NSUN6: variants seen among roughly 807,000 people sequenced by gnomAD.
NSUN6 encodes the protein tRNA (cytosine(72)-C(5))-methyltransferase NSUN6.
NSUN6 carries 64 observed loss-of-function variants against 58.0 expected under a neutral mutation model. The observed-to-expected ratio is 1.10, with a 90% CI of 0.90 to 1.36. The LOEUF (loss-of-function observed/expected upper bound fraction) is 1.36. Among genes scored for constraint, NSUN6 ranks in the 40% most tolerant of loss-of-function variants. The pLI is 0.00. For synonymous variants in NSUN6, 231 were observed against 193.9 expected (o/e 1.19, Z -1.59); for missense variants, 701 against 550.1 (o/e 1.27, Z -2.74).
At chr10:18,566,014 CTCTAT>C (rs1230337598) in intron 8 of NSUN6, among the ~76,000 whole-genome samples, 2 of 150,972 alleles carry the variant, frequency 1.3e-5, no homozygotes, top group South Asian at 2.1e-4. Context: ...CCATTCCATT[CTCTAT>C]TCCATTCCAT....
intron 3 of NSUN6, among the ~76,000 whole-genome samples, chr10:18,620,436 C>CA (rs1016217977): frequency 6.6e-6 from 1 of 152,094 alleles, no homozygotes; most frequent in Non-Finnish European, 1.5e-5. Flanking sequence ...TTCCTTGGTA[C>CA]AAAAAAATCT....
chr10:18,617,573 C>A (rs1166149596), intron 3 of NSUN6, among the ~76,000 whole-genome samples: 1 of 152,136 alleles, frequency 6.6e-6, no homozygotes, highest in African/African-American at 2.4e-5. Flanking sequence ...AAGTCCTAAA[C>A]AATAATCAGT....
intron 3 of NSUN6, among the ~76,000 whole-genome samples, chr10:18,642,059 G>A (rs1036150710): frequency 5.1e-4 from 77 of 152,212 alleles, no homozygotes; most frequent in African/African-American, 1.8e-3. Context: ...AGAGCAGGAC[G>A]CTTTCTCAAA....
At chr10:18,657,001 A>AT (rs962762328), upstream of NSUN6, among the ~76,000 whole-genome samples, 8 of 151,686 alleles carry the variant, frequency 5.3e-5, no homozygotes, top group Non-Finnish European at 8.8e-5. Context: ...TAACTTTTGT[A>AT]TTTTTTTGGA....
intron 2 of NSUN6, among the ~76,000 whole-genome samples, chr10:18,646,870 C>G (rs2059562111): frequency 6.6e-6 from 1 of 152,140 alleles, no homozygotes; most frequent in Non-Finnish European, 1.5e-5. Context: ...GTTATGGATA[C>G]TTCCAGTGGG....
chr10:18,609,022 G>A (rs2058137423), intron 6 of NSUN6, among the ~76,000 whole-genome samples: 1 of 152,084 alleles, frequency 6.6e-6, no homozygotes, highest in Non-Finnish European at 1.5e-5. Flanking sequence ...TAAATACTGG[G>A]CAAAGGCCAG....
chr10:18,657,354 G>A (rs2059788376), upstream of NSUN6, among the ~76,000 whole-genome samples: 1 of 151,994 alleles, frequency 6.6e-6, no homozygotes, highest in Admixed American at 6.5e-5. Flanking sequence ...TCATTGTCAG[G>A]TAAATTGTTC....
At chr10:18,628,321 A>C (rs956113696) in intron 3 of NSUN6, among the ~76,000 whole-genome samples, 12 of 152,148 alleles carry the variant, frequency 7.9e-5, no homozygotes, top group African/African-American at 2.9e-4. Context: ...AGAGCAGAAA[A>C]ACTGGAAACT....
chr10:18,629,762 G>A lies in NSUN6; in HGVS notation c.311+12714C>T, dbSNP rs1171254814. On this transcript the variant is annotated intron_variant, in intron 3 of 10. Coordinates refer to ENST00000377304, the MANE Select transcript of NSUN6 (RefSeq NM_182543.5). ...CACCCAGATTCATAAAGCAAGTCCT[G>A]AGTGACCTACAAAGAGACTTAGACT... Among the ~76,000 whole-genome samples the A allele has an allele frequency of 2.7e-5, 4 of 146,266 alleles. No individual in the cohort carries two copies. The East Asian group carries it at 8.3e-4, about 30-fold the overall frequency.
intron 8 of NSUN6, among the ~76,000 whole-genome samples, chr10:18,566,751 C>G (rs150349040): frequency 6.6e-6 from 1 of 151,120 alleles, no homozygotes; most frequent in Non-Finnish European, 1.5e-5. Flanking sequence ...CCATTCCATT[C>G]GATGCTCCAT....
intron 6 of NSUN6, among the ~76,000 whole-genome samples, chr10:18,603,619 G>A (rs2057936365): frequency 6.6e-6 from 1 of 151,422 alleles, no homozygotes; most frequent in Admixed American, 6.6e-5. Context: ...TACAGGCACC[G>A]CCACCATGCC....
chr10:18,588,221 C>G (rs2131138776), intron 7 of NSUN6, among the ~76,000 whole-genome samples: 1 of 152,312 alleles, frequency 6.6e-6, no homozygotes, highest in African/African-American at 2.4e-5. Flanking sequence ...CTAGATTCCT[C>G]CTCACTGGGC....
At chr10:18,608,537 G>A (rs1164216062) in intron 6 of NSUN6, among the ~76,000 whole-genome samples, 1 of 151,506 alleles carries the variant, frequency 6.6e-6, no homozygotes, top group Non-Finnish European at 1.5e-5. Context: ...CCAGGAGGCT[G>A]AGGTGGGAGG....
intron 10 of NSUN6, among the ~76,000 whole-genome samples, chr10:18,547,464 G>A (rs1036245018): frequency 6.6e-6 from 1 of 152,110 alleles, no homozygotes; most frequent in Non-Finnish European, 1.5e-5. Context: ...TTTCTGTATA[G>A]AAAGGTACTA....
intron 5 of NSUN6, among the ~76,000 whole-genome samples, chr10:18,612,939 T>C (rs184793987): frequency 3.9e-5 from 6 of 152,202 alleles, no homozygotes; most frequent in Non-Finnish European, 8.8e-5. Flanking sequence ...ACTAACTGAA[T>C]AGCAATTGTA....
At position 18,545,726 on chromosome 10, in the gene NSUN6, AAAT is replaced by A; in HGVS notation, c.*204_*206del. 7 of 493,552 alleles carry A rather than the reference AAAT, an allele frequency of 1.4e-5. No homozygotes were observed. The highest frequency in any genetic ancestry group is 2.1e-5 in the Non-Finnish European group (6 of 287,088). The allele number at this position is 493,552 out of a possible 1,614,324, so 30.6% of individuals were successfully genotyped here. On this transcript the variant is annotated 3_prime_UTR_variant, in exon 11 of 11. Transcript: ENST00000377304. ...ACTCTACTAAATACATAAAAAAAAA[AAAT>A]CTTTTAAAAACAGAAAATATAATCT...
chr10:18,618,338 T>C (rs1485720083), intron 3 of NSUN6, among the ~76,000 whole-genome samples: 1 of 152,152 alleles, frequency 6.6e-6, no homozygotes, highest in Non-Finnish European at 1.5e-5. Flanking sequence ...CACTTGTGAT[T>C]ATTGTCTTTC....
rs536484855 is a variant in NSUN6 at position 18,644,785 on chromosome 10, A to G, written c.232-2230T>C. On this transcript the variant is annotated intron_variant, in intron 2 of 10. Transcript: ENST00000377304. ...AACCCAGGAGGTGGAGCTTGCAGTG[A>G]GCCAAGATCACGCCACTGCACTCCA... is the stretch of plus-strand genomic sequence containing the variant. Among the ~76,000 whole-genome samples, 8 of 151,100 alleles carry G rather than the reference A, an allele frequency of 5.3e-5. No homozygotes were observed. The East Asian group carries it at 1.6e-3, about 30-fold the overall frequency.
At chr10:18,613,067 A>T (rs919631897) in intron 5 of NSUN6, among the ~76,000 whole-genome samples, 1 of 152,128 alleles carries the variant, frequency 6.6e-6, no homozygotes, top group Non-Finnish European at 1.5e-5. Flanking sequence ...AACTTCCAAC[A>T]GTATAACTGA....
Sources: gnomAD v4.1 joint callset for allele counts (sites outside exome capture counted in the v4.1 genomes callset) on GRCh38, gnomAD v4.1.1 for gene constraint, MANE v1.5 for transcripts, NCBI Gene and HGNC (gene_info 2026-07-23, HGNC 2026-07-21) for gene names.